Variants in PTPN4 observed in about 807,000 individuals in gnomAD.
PTPN4 encodes protein tyrosine phosphatase non-receptor type 4.
In PTPN4, 49 loss-of-function variants were observed where a neutral mutation model predicts 135.5. The observed-to-expected ratio is 0.36, with a 90% CI of 0.29 to 0.46. The LOEUF is 0.46. Among genes scored for constraint, PTPN4 ranks in the 20% least tolerant of loss-of-function variants. The pLI is 1.00. For missense variants in PTPN4, 860 were observed against 1,101.0 expected (o/e 0.78, Z 3.10); for synonymous variants, 333 against 369.9 (o/e 0.90, Z 1.14).
chr2:119,948,164 A>T (rs1226145675), intron 18 of PTPN4, among the ~76,000 whole-genome samples: 2 of 152,260 alleles, frequency 1.3e-5, no homozygotes, highest in East Asian at 3.9e-4. Flanking sequence ...GGAAATATGA[A>T]TATGATTGGG....
chr2:119,809,452 C>T (rs1401911030), intron 1 of PTPN4, among the ~76,000 whole-genome samples: 1 of 151,680 alleles, frequency 6.6e-6, no homozygotes, highest in African/African-American at 2.4e-5. Context: ...AATTTTTCCT[C>T]CTGTTGTCAT....
chr2:119,905,493 A>T (rs1246919654), intron 10 of PTPN4, among the ~76,000 whole-genome samples: 2 of 152,248 alleles, frequency 1.3e-5, no homozygotes, highest in Non-Finnish European at 2.9e-5. Context: ...ATTGTTAAAG[A>T]TAGAGAAACA....
chr2:119,961,032 T>G (rs1679357444), intron 23 of PTPN4, 79 bp downstream of exon 23: 2 of 1,408,692 alleles, frequency 1.4e-6, no homozygotes, highest in Admixed American at 2.6e-5. Context: ...AATATTCATA[T>G]TTATTTAAGC....
chr2:119,870,251 A>G (rs1214160199), intron 3 of PTPN4, among the ~76,000 whole-genome samples: 2 of 152,196 alleles, frequency 1.3e-5, no homozygotes, highest in African/African-American at 2.4e-5. Flanking sequence ...TTTAAAACCC[A>G]GATTCATTAA....
intron 14 of PTPN4, 68 bp from the exon 15 acceptor site, chr2:119,934,732 A>G (rs1678956352): frequency 3.4e-6 from 5 of 1,483,550 alleles, no homozygotes; most frequent in African/African-American, 2.8e-5. Flanking sequence ...ATGTAACCAT[A>G]TATTAAGAAA....
chr2:119,969,895 A>G (rs1679504375), intron 26 of PTPN4, among the ~76,000 whole-genome samples: 1 of 151,868 alleles, frequency 6.6e-6, no homozygotes, highest in African/African-American at 2.4e-5. Flanking sequence ...CAGTATTTAA[A>G]TTTCTAGTTG....
intron 3 of PTPN4, among the ~76,000 whole-genome samples, chr2:119,871,980 T>A (rs2104994394): frequency 6.6e-6 from 1 of 152,292 alleles, no homozygotes; most frequent in Middle Eastern, 3.4e-3. Context: ...CACCTGATTT[T>A]ATAATAAAAT....
At chr2:119,967,806 G>T (rs371813796) in intron 25 of PTPN4, 31 bp from the exon 26 acceptor site, 68 of 1,542,992 alleles carry the variant, frequency 4.4e-5, no homozygotes, top group Non-Finnish European at 5.8e-5. Flanking sequence ...AATAGTATCG[G>T]TAAGATCTTG....
At chr2:119,819,569 C>T (rs548781885) in intron 2 of PTPN4, among the ~76,000 whole-genome samples, 2 of 152,146 alleles carry the variant, frequency 1.3e-5, no homozygotes, top group East Asian at 1.9e-4. Flanking sequence ...CTTATAAAAT[C>T]GAAATGGCCC....
chr2:119,861,002 T>A (rs1405977181), intron 2 of PTPN4, among the ~76,000 whole-genome samples: 1 of 149,772 alleles, frequency 6.7e-6, no homozygotes, highest in Non-Finnish European at 1.5e-5. Context: ...GATCAGATTG[T>A]GCCATTGCAC....
chr2:119,931,438 T>C (rs1276367535), intron 13 of PTPN4, among the ~76,000 whole-genome samples: 1 of 140,358 alleles, frequency 7.1e-6, no homozygotes, highest in Non-Finnish European at 1.6e-5. Flanking sequence ...TCTTTCTTTT[T>C]TTTTTTTTTT....
At chr2:119,970,217 G>A (rs568402222) in intron 26 of PTPN4, among the ~76,000 whole-genome samples, 4 of 151,896 alleles carry the variant, frequency 2.6e-5, no homozygotes, top group Middle Eastern at 3.4e-3. Flanking sequence ...CCGCAACCAC[G>A]CCCAGCTAAT....
At chr2:119,882,247 A>G (rs1307679571) in intron 7 of PTPN4, 98 bp downstream of exon 7, 6 of 1,240,622 alleles carry the variant, frequency 4.8e-6, no homozygotes, top group Non-Finnish European at 5.8e-6. Context: ...AAATGTTGCT[A>G]TATAGAAAAT....
chr2:119,912,731 T>C (rs1678592255), intron 10 of PTPN4, among the ~76,000 whole-genome samples: 1 of 152,186 alleles, frequency 6.6e-6, no homozygotes, highest in Admixed American at 6.5e-5. Context: ...ATATAATCTA[T>C]GTACCATAAA....
intron 10 of PTPN4, among the ~76,000 whole-genome samples, chr2:119,901,668 G>T (rs762341339): frequency 3.9e-5 from 6 of 152,134 alleles, no homozygotes; most frequent in Non-Finnish European, 8.8e-5. Context: ...AGAAATTTTG[G>T]AAGTATTATA....
At chr2:119,953,864 T>C (rs72840422) in intron 19 of PTPN4, among the ~76,000 whole-genome samples, 3,165 of 152,276 alleles carry the variant, frequency 0.021, 60 homozygotes, top group Non-Finnish European at 0.033. Context: ...ATCCATATGA[T>C]GGCAAAGACC....
intron 9 of PTPN4, among the ~76,000 whole-genome samples, chr2:119,886,960 T>C (rs759645989): frequency 6.6e-6 from 1 of 152,182 alleles, no homozygotes; most frequent in Non-Finnish European, 1.5e-5. Context: ...AATGTGTCTC[T>C]TAGAAACCTT....
chr2:119,787,886 G>A (rs1336857859), intron 1 of PTPN4, among the ~76,000 whole-genome samples: 1 of 152,166 alleles, frequency 6.6e-6, no homozygotes, highest in East Asian at 1.9e-4. Context: ...TATGTGTGGT[G>A]AGTAGAAGAA....
In PTPN4 at chr2:119,830,751, C is replaced by T. The variant is rs188469658; in HGVS notation, c.138+20760C>T. On this transcript the variant is annotated intron_variant, in intron 2 of 26. Coordinates refer to ENST00000263708, the MANE Select transcript of PTPN4 (RefSeq NM_002830.4). ...CCAAAGTGCTACAGGCATGAGCCAC[C>T]GTGCCTGGCTCACCCTCTCTCTCCT... 3.8e-3 allele frequency among the ~76,000 whole-genome samples: 579 copies of T among 152,140 alleles called. 2 individuals carry two copies. The highest frequency in any genetic ancestry group is 0.016 in the South Asian group (75 of 4,816).
Sources: gnomAD v4.1 joint callset for allele counts (sites outside exome capture counted in the v4.1 genomes callset) on GRCh38, gnomAD v4.1.1 for gene constraint, MANE v1.5 for transcripts, NCBI Gene and HGNC (gene_info 2026-07-23, HGNC 2026-07-21) for gene names.